The following PAH variants were observed in gnomAD, a reference collection of about 807,000 sequenced individuals.
The protein encoded by PAH is phenylalanine hydroxylase, also known as phenylalanine-4-hydroxylase.
A neutral mutation model predicts 62.0 loss-of-function variants in PAH; 64 were observed. The ratio of observed to expected loss-of-function variants is 1.03; its 90% CI spans 0.84 to 1.27. The LOEUF (loss-of-function observed/expected upper bound fraction) is 1.27. Among genes scored for constraint, PAH ranks in the 50% most tolerant of loss-of-function variants. The pLI is 0.00. For missense variants in PAH, 579 were observed against 542.8 expected (o/e 1.07, Z -0.66); for synonymous variants, 195 against 196.2 (o/e 0.99, Z 0.05).
At chr12:102,895,931 A>G (rs900504439) in intron 2 of PAH, among the ~76,000 whole-genome samples, 3 of 150,886 alleles carry the variant, frequency 2.0e-5, no homozygotes, top group African/African-American at 7.3e-5. Context: ...TTCAATAAAT[A>G]TATACATTTG....
At chr12:102,936,412 C>T (rs1047083598) in intron 1 of PAH, among the ~76,000 whole-genome samples, 3 of 152,070 alleles carry the variant, frequency 2.0e-5, no homozygotes, top group Admixed American at 6.5e-5. Flanking sequence ...GTCTATAGTG[C>T]AGATTACATT....
At chr12:102,870,679 A>G (rs1320283605) in intron 4 of PAH, among the ~76,000 whole-genome samples, 1 of 152,236 alleles carries the variant, frequency 6.6e-6, no homozygotes, top group Non-Finnish European at 1.5e-5. Context: ...TAGGCCAATA[A>G]CAAGAGGCTT....
At chr12:102,918,498 G>A (rs1023031056), upstream of PAH, among the ~76,000 whole-genome samples, 1 of 149,992 alleles carries the variant, frequency 6.7e-6, no homozygotes, top group Non-Finnish European at 1.5e-5. Context: ...CTCAGGTTTA[G>A]GATTCAAAAC....
upstream of PAH, chr12:102,917,578 T>G: frequency 4.3e-6 from 1 of 233,878 alleles, no homozygotes. Context: ...ATTATATGAA[T>G]AATCCGCCCC....
chr12:102,917,278 C>T, upstream of PAH: 1 of 724,626 alleles, frequency 1.4e-6, no homozygotes, highest in Non-Finnish European at 2.4e-6. Context: ...TGCATCTCCG[C>T]ACAGTAACGC....
At position 102,867,883 on chromosome 12, in the gene PAH, G is replaced by GTA. The variant is rs554979186; in HGVS notation, c.442-1222_442-1221dup. On this transcript the variant is annotated intron_variant, in intron 4 of 12. Transcript: ENST00000553106. ...TACATATATAGATGTATATATACAT[G>GTA]TATATACATATATAGATGTATATAT... 5.3e-4 allele frequency among the ~76,000 whole-genome samples: 74 copies of GTA among 138,872 alleles called. 1 individual carries two copies. Among genetic ancestry groups the GTA allele is most frequent in the African/African-American group, 1.9e-3 (69 of 37,058 alleles). The allele number at this position is 138,872 out of a possible 152,430, so 91.1% of individuals were successfully genotyped here.
At position 102,851,767 on chromosome 12, in the gene PAH, G is replaced by C. The variant is rs775444121; in HGVS notation, c.843-11C>G. Reference sequence around the variant, plus strand: ...TCATGGCAGATGTCACTGAAAGACAGAAAGCACAGAGAGCTCGGAGGGGAG... The same window carrying C: ...TCATGGCAGATGTCACTGAAAGACACAAAGCACAGAGAGCTCGGAGGGGAG... On this transcript the variant is annotated splice_polypyrimidine_tract_variant and intron_variant, in intron 7 of 12. Transcript: ENST00000553106. 16 of 1,612,894 alleles carry C rather than the reference G, an allele frequency of 9.9e-6. No homozygotes were observed. In the South Asian group the frequency reaches 1.8e-4, roughly 18 times the overall value.
intron 4 of PAH, among the ~76,000 whole-genome samples, chr12:102,872,363 T>C (rs957737059): frequency 1.3e-5 from 2 of 152,186 alleles, no homozygotes; most frequent in African/African-American, 2.4e-5. Flanking sequence ...GTTCCCTCAA[T>C]AGTGAGTTAA....
rs753466976 is a variant in PAH, at chr12:102,912,896, T to G, written c.63A>C (p.Glu21Asp). ...TGCAGTTGTCTTCAATATAGCTTGT[T>G]TCCTACAGGATAAGATGCATTTGTT... is the stretch of plus-strand genomic sequence containing the variant. The part of the protein sequence containing the change: ...LGRKLSDFGQ[E>D]TSYIEDNCNQ... The change falls in exon 2 of 13, where the codon GAA (glutamate) becomes GAC (aspartate). Residue 21 changes from glutamate to aspartate, a missense_variant and splice_region_variant. By Grantham distance (45) the Glu-to-Asp change is conservative. Transcript: ENST00000553106. The G allele has an allele frequency of 1.0e-5, 16 of 1,596,970 alleles. No individual in the cohort carries two copies. In the Admixed American group the frequency reaches 2.7e-4, roughly 27 times the overall value.
At chr12:102,875,026 C>T (rs565980687) in intron 4 of PAH, among the ~76,000 whole-genome samples, 1 of 152,310 alleles carries the variant, frequency 6.6e-6, no homozygotes, top group Admixed American at 6.5e-5. Context: ...TTTGCACTCA[C>T]ACACTGAGGC....
In PAH at chr12:102,903,924, C is replaced by A. The variant is rs1877868660; in HGVS notation, c.168+8867G>T. On this transcript the variant is annotated intron_variant, in intron 2 of 12. Transcript: ENST00000553106. Reference sequence around the variant, plus strand: ...TCTCATTTTGTAGCCCATTACTAAGCCACTTACAGTAAAGACTCTCAGGAG... The same window carrying A: ...TCTCATTTTGTAGCCCATTACTAAGACACTTACAGTAAAGACTCTCAGGAG... Among the ~76,000 whole-genome samples the A allele has an allele frequency of 2.6e-5, 4 of 152,258 alleles. No individual in the cohort carries two copies. In the South Asian group the frequency reaches 8.3e-4, roughly 32 times the overall value.
intron 2 of PAH, among the ~76,000 whole-genome samples, chr12:102,907,012 G>T (rs1878004251): frequency 6.6e-6 from 1 of 152,184 alleles, no homozygotes. Context: ...GAGGAGAGAT[G>T]AGAAAAGACT....
chr12:102,949,135 G>C (rs1393201671), intron 1 of PAH, among the ~76,000 whole-genome samples: 1 of 152,146 alleles, frequency 6.6e-6, no homozygotes, highest in East Asian at 1.9e-4. Flanking sequence ...TATTTCCCAA[G>C]CAATGCTGTC....
chr12:102,930,662 T>G (rs957868103), intron 1 of PAH, among the ~76,000 whole-genome samples: 1 of 152,244 alleles, frequency 6.6e-6, no homozygotes, highest in Non-Finnish European at 1.5e-5. Flanking sequence ...TACTAGGTCT[T>G]AAGGTCTTGA....
intron 3 of PAH, among the ~76,000 whole-genome samples, chr12:102,893,669 A>C (rs1416975737): frequency 6.6e-6 from 1 of 152,240 alleles, no homozygotes; most frequent in Non-Finnish European, 1.5e-5. Context: ...GCAATTTGTC[A>C]GGGTATCAAA....
At chr12:102,847,123 T>C (rs1019470171) in intron 8 of PAH, 172 bp from the exon 9 acceptor site, 17 of 654,920 alleles carry the variant, frequency 2.6e-5, no homozygotes, top group Non-Finnish European at 4.2e-5. Flanking sequence ...GAATCACAGA[T>C]CTCCAGGGTA....
At chr12:102,854,864 A>C in intron 6 of PAH, 1 of 515,160 alleles carries the variant, frequency 1.9e-6, no homozygotes, top group Non-Finnish European at 3.5e-6. Context: ...TTGGGCTTTA[A>C]GTGTGAAAGA....
intron 5 of PAH, among the ~76,000 whole-genome samples, chr12:102,856,923 C>G (rs1305226458): frequency 3.3e-5 from 5 of 152,194 alleles, no homozygotes; most frequent in Non-Finnish European, 7.3e-5. Context: ...AAAATCAGAG[C>G]ACCTCTCCCC....
At chr12:102,858,999 C>T (rs1875581173) in intron 5 of PAH, among the ~76,000 whole-genome samples, 2 of 151,820 alleles carry the variant, frequency 1.3e-5, no homozygotes, top group South Asian at 4.2e-4. Context: ...GAGATAGAGA[C>T]ACAAAAAAAC....
Sources: gnomAD v4.1 joint callset for allele counts (sites outside exome capture counted in the v4.1 genomes callset) on GRCh38, gnomAD v4.1.1 for gene constraint, MANE v1.5 for transcripts, NCBI Gene and HGNC (gene_info 2026-07-23, HGNC 2026-07-21) for gene names.